Variants in NAF1 observed in about 807,000 individuals in gnomAD.
The protein encoded by NAF1 is nuclear assembly factor 1 ribonucleoprotein, also known as H/ACA ribonucleoprotein complex non-core subunit NAF1.
In NAF1, 11 loss-of-function variants were observed where a neutral mutation model predicts 40.6. The ratio of observed to expected loss-of-function variants is 0.27; its 90% CI spans 0.17 to 0.45. NAF1 has a LOEUF of 0.45. NAF1 is among the 20% of genes least tolerant of loss of function. NAF1 has a pLI of 1.00. For missense variants in NAF1, 607 were observed against 611.1 expected (o/e 0.99, Z 0.07); for synonymous variants, 260 against 228.5 (o/e 1.14, Z -1.24).
downstream of NAF1, among the ~76,000 whole-genome samples, chr4:163,107,201 G>T (rs1730062111): frequency 6.6e-6 from 1 of 152,160 alleles, no homozygotes; most frequent in Non-Finnish European, 1.5e-5. Context: ...TGGCCAGGCT[G>T]GTCTTAAGCT....
intron 3 of NAF1, among the ~76,000 whole-genome samples, chr4:163,146,118 A>T (rs1207589204): frequency 6.6e-6 from 1 of 152,214 alleles, no homozygotes; most frequent in Admixed American, 6.5e-5. Context: ...CCCACAGAAA[A>T]TCTGAATCAT....
At chr4:163,159,140 A>G in intron 2 of NAF1, among the ~76,000 whole-genome samples, 1 of 152,126 alleles carries the variant, frequency 6.6e-6, no homozygotes, top group East Asian at 1.9e-4. Context: ...TACACAGGAC[A>G]TAAATGGATA....
intron 2 of NAF1, among the ~76,000 whole-genome samples, chr4:163,117,930 G>GA (rs2110825935): frequency 6.6e-6 from 1 of 151,908 alleles, no homozygotes; most frequent in African/African-American, 2.4e-5. Flanking sequence ...TTATCCTAGG[G>GA]AAAAAATAAT....
chr4:163,126,882 C>G, downstream of NAF1: 1 of 1,440,606 alleles, frequency 6.9e-7, no homozygotes, highest in Non-Finnish European at 9.1e-7. Flanking sequence ...AGCTAAAAGA[C>G]TGTAACTCAC....
In NAF1 at chr4:163,166,621, G is replaced by C. The variant is rs1579199241; in HGVS notation, c.107C>G (p.Pro36Arg). The change falls in exon 1 of 8, where the codon CCT becomes CGT. Residue 36 changes from proline to arginine, a missense_variant. Transcript: ENST00000274054. ...GPAAPSPGSAPVPGTQPPLQS... is the reference protein window; with the variant it reads ...GPAAPSPGSARVPGTQPPLQS... ...TAGCGGCGGCTGTGTCCCTGGCACA[G>C]GGGCAGAGCCCGGAGACGGAGCCGC... 2 of 1,611,412 alleles carry C rather than the reference G, an allele frequency of 1.2e-6. No individual in the cohort carries two copies. The highest frequency in any genetic ancestry group is 8.5e-7 in the Non-Finnish European group (1 of 1,179,520).
At chr4:163,128,243 C>G (rs541446826), downstream of NAF1, among the ~76,000 whole-genome samples, 256 of 152,152 alleles carry the variant, frequency 1.7e-3, 1 homozygote, top group African/African-American at 5.8e-3. Flanking sequence ...TCTTTGCATC[C>G]CTTTTAGGAG....
rs1732502941 is a variant in NAF1 at position 163,166,812 on chromosome 4, T to G, written c.-85A>C. On this transcript the variant is annotated 5_prime_UTR_variant, in exon 1 of 8. Transcript: ENST00000274054. ...TCTCTCCAGAAATAGAAAAACAACT[T>G]AGGCAACCGCAGCAACACTGCCTGG... 7 of 1,529,212 alleles carry G rather than the reference T, an allele frequency of 4.6e-6. No homozygotes were observed. Among genetic ancestry groups the G allele is most frequent in the Non-Finnish European group, 6.1e-6 (7 of 1,139,580 alleles). The allele number at this position is 1,529,212 out of a possible 1,614,324, so 94.7% of individuals were successfully genotyped here. A position where few individuals can be genotyped will look rare whatever the true frequency, so the allele number is the denominator to read the frequency against.
At chr4:163,120,528 T>C (rs533427513) in intron 2 of NAF1, among the ~76,000 whole-genome samples, 3 of 152,350 alleles carry the variant, frequency 2.0e-5, no homozygotes, top group South Asian at 2.1e-4. Flanking sequence ...AACTGTAAGA[T>C]ATGCAATGTA....
At chr4:163,126,406 C>T (rs1730657049), downstream of NAF1, among the ~76,000 whole-genome samples, 1 of 152,108 alleles carries the variant, frequency 6.6e-6, no homozygotes, top group Non-Finnish European at 1.5e-5. Context: ...GTGTTTAAGA[C>T]TTCACTGGAG....
chr4:163,155,968 G>A (rs1042095765), intron 2 of NAF1, among the ~76,000 whole-genome samples: 19 of 134,414 alleles, frequency 1.4e-4, no homozygotes, highest in Non-Finnish European at 2.7e-4. Context: ...GGGATAGAAA[G>A]ACCTTCTTCA....
At position 163,128,684 on chromosome 4, in the gene NAF1, A is replaced by G. The variant is rs1379328877; in HGVS notation, c.*213T>C. 34 of 1,093,492 alleles carry G rather than the reference A, an allele frequency of 3.1e-5. No individual in the cohort carries two copies. Among genetic ancestry groups the G allele is most frequent in the Non-Finnish European group, 3.8e-5 (33 of 872,768 alleles). The allele number at this position is 1,093,492 out of a possible 1,614,324, so 67.7% of individuals were successfully genotyped here. A position where few individuals can be genotyped will look rare whatever the true frequency, so the allele number is the denominator to read the frequency against. On this transcript the variant is annotated 3_prime_UTR_variant, in exon 8 of 8. Coordinates refer to ENST00000274054, the MANE Select transcript of NAF1 (RefSeq NM_138386.3). ...GAATTCAAAATTTTAATTAAATATT[A>G]CATAATTTAATGTTCTCCCAAGAAT... is the stretch of plus-strand genomic sequence containing the variant.
At chr4:163,126,117 AT>A (rs1560781648), downstream of NAF1, among the ~76,000 whole-genome samples, 1 of 152,184 alleles carries the variant, frequency 6.6e-6, no homozygotes, top group Non-Finnish European at 1.5e-5. Flanking sequence ...AAGGAGTTGA[AT>A]TTTTTTAATG....
intron 4 of NAF1, chr4:163,141,971 AAAG>A (rs1731279306): frequency 1.0e-6 from 1 of 960,202 alleles, no homozygotes; most frequent in Non-Finnish European, 1.2e-6. Context: ...TGTACTCTAA[AAAG>A]AAGTAGTGAC....
chr4:163,107,933 G>C (rs898586486), downstream of NAF1, among the ~76,000 whole-genome samples: 2 of 152,084 alleles, frequency 1.3e-5, no homozygotes, highest in Non-Finnish European at 2.9e-5. Context: ...TTATCCCCTT[G>C]GGGGCGATAT....
chr4:163,146,935 G>A (rs1191035250), intron 3 of NAF1, among the ~76,000 whole-genome samples: 3 of 152,054 alleles, frequency 2.0e-5, no homozygotes, highest in Non-Finnish European at 1.5e-5. Context: ...TTCCATGTAC[G>A]TCAGAGTTTA....
chr4:163,119,385 C>A (rs1730448739), intron 2 of NAF1: 1 of 152,164 alleles, frequency 6.6e-6, no homozygotes, highest in Non-Finnish European at 1.5e-5. Flanking sequence ...TTGTCTCCAG[C>A]CTCTTTTTCT....
intron 2 of NAF1, among the ~76,000 whole-genome samples, chr4:163,113,329 T>C (rs563058091): frequency 1.3e-4 from 20 of 151,862 alleles, no homozygotes; most frequent in Admixed American, 5.9e-4. Context: ...TATTCACTTC[T>C]CCACTTTCAT....
chr4:163,104,275 A>G, the NAF1 span, among the ~76,000 whole-genome samples: 1 of 152,210 alleles, frequency 6.6e-6, no homozygotes, highest in Non-Finnish European at 1.5e-5. Context: ...GTATACATGC[A>G]GGTCACAGGG....
At chr4:163,160,069 T>C (rs1379039024) in intron 2 of NAF1, among the ~76,000 whole-genome samples, 2 of 152,148 alleles carry the variant, frequency 1.3e-5, no homozygotes, top group African/African-American at 4.8e-5. Flanking sequence ...TTAAAAAGAA[T>C]CTCAATTTTC....
Sources: allele counts gnomAD v4.1 joint callset (sites outside exome capture counted in the v4.1 genomes callset), GRCh38; gene constraint gnomAD v4.1.1; transcripts MANE v1.5; gene names NCBI Gene and HGNC (gene_info 2026-07-23, HGNC 2026-07-21).